Variants in MCTP1 observed in about 807,000 individuals in gnomAD.
MCTP1 encodes multiple C2 and transmembrane domain containing 1.
MCTP1 carries 69 observed loss-of-function variants against 120.6 expected under a neutral mutation model. That is an observed-to-expected ratio of 0.57 (90% confidence interval 0.47 to 0.70). The LOEUF is 0.70. MCTP1 is among the 30% of genes least tolerant of loss of function. The pLI is 0.00. For missense variants in MCTP1, 1,203 were observed against 1,248.8 expected, an observed-to-expected ratio of 0.96 and a Z score of 0.55; for synonymous variants, 529 against 493.1, an observed-to-expected ratio of 1.07 and a Z score of -0.96.
At chr5:95,196,690 AG>A (rs1750433729) in intron 1 of MCTP1, among the ~76,000 whole-genome samples, 1 of 152,230 alleles carries the variant, frequency 6.6e-6, no homozygotes, top group East Asian at 1.9e-4. Flanking sequence ...GGGCCTTAAC[AG>A]GAGCAGTTTG....
intron 18 of MCTP1, among the ~76,000 whole-genome samples, chr5:94,798,208 G>A (rs1476156096): frequency 1.3e-5 from 2 of 151,936 alleles, no homozygotes; most frequent in East Asian, 3.9e-4. Flanking sequence ...AATTGCAAAT[G>A]TCATATTTGG....
chr5:94,974,902 G>A (rs998123040), intron 2 of MCTP1, among the ~76,000 whole-genome samples: 1 of 152,020 alleles, frequency 6.6e-6, no homozygotes, highest in Non-Finnish European at 1.5e-5. Flanking sequence ...AATGACCATG[G>A]TAATGAAATA....
chr5:94,722,879 T>TAA (rs1326982010), intron 19 of MCTP1, among the ~76,000 whole-genome samples: 1 of 152,218 alleles, frequency 6.6e-6, no homozygotes, highest in African/African-American at 2.4e-5. Flanking sequence ...TGATGGATGC[T>TAA]AAAGATGGTT....
intron 8 of MCTP1, 42 bp downstream of exon 8, chr5:94,917,854 C>G (rs1810501542): frequency 6.5e-7 from 1 of 1,537,656 alleles, no homozygotes; most frequent in Non-Finnish European, 9.0e-7. Flanking sequence ...CCAGCTCATG[C>G]AAGCTCAGAA....
At chr5:94,742,161 T>G (rs969632769) in intron 19 of MCTP1, among the ~76,000 whole-genome samples, 3 of 152,224 alleles carry the variant, frequency 2.0e-5, no homozygotes, top group Non-Finnish European at 2.9e-5. Context: ...ACCCATCTAC[T>G]ATAGCCCAAT....
chr5:94,963,656 G>A (rs970487145), intron 2 of MCTP1, among the ~76,000 whole-genome samples: 8 of 151,778 alleles, frequency 5.3e-5, no homozygotes, highest in African/African-American at 1.9e-4. Flanking sequence ...TTTGGTAATC[G>A]AGTTATTTGT....
chr5:94,891,277 C>T (rs1397586025), intron 11 of MCTP1, among the ~76,000 whole-genome samples: 2 of 152,102 alleles, frequency 1.3e-5, no homozygotes, highest in African/African-American at 4.8e-5. Flanking sequence ...CTTCTCTCTC[C>T]ATTTAAATTC....
chr5:95,096,204 G>A (rs1756254983), intron 1 of MCTP1, among the ~76,000 whole-genome samples: 1 of 152,196 alleles, frequency 6.6e-6, no homozygotes, highest in Non-Finnish European at 1.5e-5. Context: ...CTGACTTCTT[G>A]AGAGAAATTT....
intron 1 of MCTP1, among the ~76,000 whole-genome samples, chr5:95,216,321 A>G (rs10068907): frequency 0.15 from 23,094 of 152,236 alleles, 1,734 homozygotes; most frequent in Middle Eastern, 0.2. Flanking sequence ...AATTCTTGCT[A>G]TGATACATCC....
At position 95,066,017 on chromosome 5, in the gene MCTP1, C is replaced by T. The variant is rs561841852; in HGVS notation, c.721-48533G>A. On this transcript the variant is annotated intron_variant, in intron 1 of 22. Coordinates refer to ENST00000515393, the MANE Select transcript of MCTP1 (RefSeq NM_024717.7). ...AAGCAAAAATAAAGAAATGGGATTA[C>T]ATCAAACTAAAAAGCTCTGCACAAC... Among the ~76,000 whole-genome samples the T allele has an allele frequency of 2.0e-5, 3 of 152,202 alleles. No individual in the cohort carries two copies. The South Asian group carries it at 6.2e-4, about 32-fold the overall frequency.
At chr5:94,756,613 G>A (rs548910309) in intron 19 of MCTP1, among the ~76,000 whole-genome samples, 21 of 152,220 alleles carry the variant, frequency 1.4e-4, no homozygotes, top group East Asian at 5.8e-4. Flanking sequence ...ATGCAATTCC[G>A]GTTAATTACG....
At chr5:94,926,579 C>T (rs111692355) in intron 6 of MCTP1, among the ~76,000 whole-genome samples, 1 of 152,188 alleles carries the variant, frequency 6.6e-6, no homozygotes, top group Non-Finnish European at 1.5e-5. Flanking sequence ...TAAATCGTTT[C>T]ACTGTATACA....
At chr5:94,785,201 C>G (rs1044808582) in intron 18 of MCTP1, among the ~76,000 whole-genome samples, 3 of 152,064 alleles carry the variant, frequency 2.0e-5, no homozygotes, top group Non-Finnish European at 2.9e-5. Flanking sequence ...CAGTATAAGC[C>G]TCTTAAATTT....
At chr5:94,767,326 C>T (rs541363256) in intron 19 of MCTP1, among the ~76,000 whole-genome samples, 1 of 152,140 alleles carries the variant, frequency 6.6e-6, no homozygotes, top group African/African-American at 2.4e-5. Context: ...TGGGGAAAAC[C>T]TGAAAGCCTT....
At chr5:94,738,900 T>C (rs1435409033) in intron 19 of MCTP1, among the ~76,000 whole-genome samples, 1 of 152,226 alleles carries the variant, frequency 6.6e-6, no homozygotes, top group East Asian at 1.9e-4. Flanking sequence ...TTCTGATCTT[T>C]TAGGCTGCAG....
At chr5:95,135,061 G>A (rs1160681262) in intron 1 of MCTP1, among the ~76,000 whole-genome samples, 3 of 104,262 alleles carry the variant, frequency 2.9e-5, no homozygotes, top group African/African-American at 1.1e-4. Flanking sequence ...AAAAAAAAAA[G>A]GTCAGATTCA....
At chr5:95,072,562 T>C (rs557629558) in intron 1 of MCTP1, among the ~76,000 whole-genome samples, 2 of 152,240 alleles carry the variant, frequency 1.3e-5, no homozygotes, top group South Asian at 4.1e-4. Context: ...GCCAATATTA[T>C]ACTCTGCATC....
chr5:94,980,736 T>A (rs935007486), intron 2 of MCTP1: 4 of 152,096 alleles, frequency 2.6e-5, no homozygotes, highest in Non-Finnish European at 5.9e-5. Context: ...AAGCTGATCT[T>A]CTTATCCATG....
chr5:94,812,094 T>G (rs905966418), intron 17 of MCTP1, among the ~76,000 whole-genome samples: 2 of 152,178 alleles, frequency 1.3e-5, no homozygotes, highest in African/African-American at 4.8e-5. Context: ...CTGAAGTTTT[T>G]AAAATCAATG....
Sources: allele counts gnomAD v4.1 joint callset (sites outside exome capture counted in the v4.1 genomes callset), GRCh38; gene constraint gnomAD v4.1.1; transcripts MANE v1.5; gene names NCBI Gene and HGNC (gene_info 2026-07-23, HGNC 2026-07-21).